COL5A2: variants seen among roughly 807,000 people sequenced by gnomAD.
COL5A2 encodes the protein collagen alpha-2(V) chain.
In COL5A2, 23 loss-of-function variants were observed where a neutral mutation model predicts 208.2. The ratio of observed to expected loss-of-function variants is 0.11; its 90% CI spans 0.08 to 0.16. The LOEUF is 0.16. Among genes scored for constraint, COL5A2 ranks in the 10% least tolerant of loss-of-function variants. The probability of loss-of-function intolerance (pLI) is 1.00; values close to 1 mark genes in which losing one functional copy is unlikely to be tolerated. For missense variants in COL5A2, 1,590 were observed against 1,956.4 expected (o/e 0.81, Z 3.53); for synonymous variants, 625 against 628.5 (o/e 0.99, Z 0.08).
At chr2:189,116,144 T>C (rs1220165585) in intron 1 of COL5A2, among the ~76,000 whole-genome samples, 1 of 152,120 alleles carries the variant, frequency 6.6e-6, no homozygotes, top group Admixed American at 6.5e-5. Flanking sequence ...ACTGTAAAGG[T>C]CCTTGAGGGA....
At chr2:189,304,518 G>C in the COL5A2 span, among the ~76,000 whole-genome samples, 1 of 152,182 alleles carries the variant, frequency 6.6e-6, no homozygotes. Flanking sequence ...AAGGTGAAGA[G>C]AGAGCAGGCA....
intron 18 of COL5A2, among the ~76,000 whole-genome samples, chr2:189,070,762 T>A (rs1686256805): frequency 6.6e-6 from 1 of 152,108 alleles, no homozygotes; most frequent in Non-Finnish European, 1.5e-5. Context: ...TTTGCATGTT[T>A]TGATAGGGGT....
At chr2:189,308,612 G>A in the COL5A2 span, among the ~76,000 whole-genome samples, 10 of 152,186 alleles carry the variant, frequency 6.6e-5, no homozygotes, top group East Asian at 1.7e-3. Context: ...CTGTTACCAG[G>A]AGGCTTTATC....
At chr2:189,323,344 T>C in the COL5A2 span, among the ~76,000 whole-genome samples, 1 of 152,036 alleles carries the variant, frequency 6.6e-6, no homozygotes, top group African/African-American at 2.4e-5. Flanking sequence ...GAGAAGGAAA[T>C]AAAGGGTATT....
chr2:189,399,570 A>G, the COL5A2 span, among the ~76,000 whole-genome samples: 1 of 152,096 alleles, frequency 6.6e-6, no homozygotes, highest in Non-Finnish European at 1.5e-5. Flanking sequence ...TTTGAAGGAT[A>G]TATTTTTTAG....
At chr2:189,295,438 A>T in the COL5A2 span, among the ~76,000 whole-genome samples, 1 of 152,142 alleles carries the variant, frequency 6.6e-6, no homozygotes, top group Non-Finnish European at 1.5e-5. Flanking sequence ...CGAAACTAAA[A>T]ATACAAATAA....
At chr2:189,427,316 C>T in the COL5A2 span, among the ~76,000 whole-genome samples, 4 of 152,194 alleles carry the variant, frequency 2.6e-5, no homozygotes, top group Non-Finnish European at 5.9e-5. Flanking sequence ...TGTAGGTGCA[C>T]AGAGTCCAAG....
the COL5A2 span, among the ~76,000 whole-genome samples, chr2:189,319,062 T>A: frequency 6.6e-6 from 1 of 152,054 alleles, no homozygotes; most frequent in African/African-American, 2.4e-5. Flanking sequence ...TTTAGACATA[T>A]TTGAGAAAAA....
chr2:189,344,520 T>C, the COL5A2 span, among the ~76,000 whole-genome samples: 5 of 151,968 alleles, frequency 3.3e-5, no homozygotes, highest in African/African-American at 1.2e-4. Context: ...CACACACACA[T>C]AAACAAACAA....
chr2:189,434,814 G>T, the COL5A2 span, among the ~76,000 whole-genome samples: 1 of 151,998 alleles, frequency 6.6e-6, no homozygotes, highest in African/African-American at 2.4e-5. Flanking sequence ...TTCACAGAAT[G>T]AGAAAAAACT....
At chr2:189,357,345 C>T in the COL5A2 span, among the ~76,000 whole-genome samples, 10 of 152,172 alleles carry the variant, frequency 6.6e-5, no homozygotes, top group African/African-American at 2.4e-4. Flanking sequence ...GATGCCCCTT[C>T]CCCCAGGTGC....
At chr2:189,170,937 G>C (rs764025641) in intron 1 of COL5A2, among the ~76,000 whole-genome samples, 1 of 152,148 alleles carries the variant, frequency 6.6e-6, no homozygotes, top group Non-Finnish European at 1.5e-5. Flanking sequence ...TGGTGGGAAT[G>C]TGTAAAACGG....
the COL5A2 span, among the ~76,000 whole-genome samples, chr2:189,421,777 T>C: frequency 1.3e-5 from 2 of 152,122 alleles, no homozygotes; most frequent in African/African-American, 4.8e-5. Context: ...CAAATCTCAG[T>C]GGCAGACAGG....
At chr2:189,385,651 A>T in the COL5A2 span, among the ~76,000 whole-genome samples, 1 of 152,132 alleles carries the variant, frequency 6.6e-6, no homozygotes, top group South Asian at 2.1e-4. Context: ...ATCGAAAAAA[A>T]AACCAGCCTG....
chr2:189,399,093 G>A, the COL5A2 span, among the ~76,000 whole-genome samples: 2 of 152,136 alleles, frequency 1.3e-5, no homozygotes, highest in East Asian at 3.9e-4. Flanking sequence ...ACATCCATAT[G>A]TTTACTCTTA....
At position 189,066,243 on chromosome 2, in the gene COL5A2, C is replaced by T. The variant is rs1686145601; in HGVS notation, c.1563+147G>A. 1.0e-5 allele frequency: 8 copies of T among 801,456 alleles called. No individual in the cohort carries two copies. The East Asian group carries it at 1.7e-4, about 17-fold the overall frequency. 49.6% of individuals were successfully genotyped at this position (801,456 alleles called of 1,614,324 possible). A position where few individuals can be genotyped will look rare whatever the true frequency, so the allele number is the denominator to read the frequency against. ...GTATGAATAATGATTAGTCAGTTGG[C>T]TCTTTCTATTTGCACATAACTGTAC... On this transcript the variant is annotated intron_variant, in intron 23 of 53. Transcript: ENST00000374866.
intron 1 of COL5A2, among the ~76,000 whole-genome samples, chr2:189,217,717 C>T (rs944652451): frequency 3.9e-5 from 6 of 152,148 alleles, no homozygotes; most frequent in Non-Finnish European, 7.4e-5. Flanking sequence ...GCTGGGGCAT[C>T]TCTACGGGTG....
chr2:189,075,333 G>T, intron 17 of COL5A2, 60 bp downstream of exon 17: 1 of 1,249,224 alleles, frequency 8.0e-7, no homozygotes, highest in Non-Finnish European at 1.2e-6. Flanking sequence ...GTTTTTGAAT[G>T]TACAAATGGA....
the COL5A2 span, among the ~76,000 whole-genome samples, chr2:189,270,199 G>T: frequency 6.6e-6 from 1 of 151,948 alleles, no homozygotes; most frequent in South Asian, 2.1e-4. Flanking sequence ...TGGATTCATT[G>T]ATTTTTTTGA....
Sources: gnomAD v4.1 joint callset for allele counts (sites outside exome capture counted in the v4.1 genomes callset) on GRCh38, gnomAD v4.1.1 for gene constraint, MANE v1.5 for transcripts, NCBI Gene and HGNC (gene_info 2026-07-23, HGNC 2026-07-21) for gene names.